The following SLC25A48 variants were observed in gnomAD, a reference collection of about 807,000 sequenced individuals.
SLC25A48 encodes CTC-321K16.1.
In SLC25A48, 29 loss-of-function variants were observed where a neutral mutation model predicts 32.2. The observed-to-expected ratio is 0.90, with a 90% confidence interval of 0.67 to 1.23. The LOEUF (loss-of-function observed/expected upper bound fraction) is 1.23. Among genes scored for constraint, SLC25A48 ranks in the 50% most tolerant of loss-of-function variants. SLC25A48 has a pLI of 0.00. For synonymous variants in SLC25A48, 164 were observed against 172.3 expected, an observed-to-expected ratio of 0.95 and a Z score of 0.38; for missense variants, 399 against 422.7, an observed-to-expected ratio of 0.94 and a Z score of 0.49.
intron 4 of SLC25A48, among the ~76,000 whole-genome samples, chr5:135,865,821 C>T (rs1300922750): frequency 2.6e-5 from 4 of 152,142 alleles, no homozygotes; most frequent in East Asian, 1.9e-4. Context: ...TCCAACCCAT[C>T]GAACAGCAGC....
At chr5:135,608,577 C>G (rs31281) in intron 1 of SLC25A48, among the ~76,000 whole-genome samples, 16 of 152,362 alleles carry the variant, frequency 1.1e-4, no homozygotes, top group South Asian at 8.3e-4. Context: ...GTCTTCTCCC[C>G]CTTCCAGCCA....
intron 3 of SLC25A48, among the ~76,000 whole-genome samples, chr5:135,640,940 A>T (rs554111492): frequency 1.3e-5 from 2 of 152,236 alleles, no homozygotes; most frequent in African/African-American, 4.8e-5. Flanking sequence ...CAGGAATAAG[A>T]CAAGGATGTC....
At chr5:135,750,889 T>C (rs890712721) in intron 3 of SLC25A48, among the ~76,000 whole-genome samples, 1 of 136,724 alleles carries the variant, frequency 7.3e-6, no homozygotes, top group Non-Finnish European at 1.6e-5. Context: ...CTTTTGCCTG[T>C]TTCACTCTCT....
intron 3 of SLC25A48, among the ~76,000 whole-genome samples, chr5:135,646,076 A>G (rs1752951069): frequency 6.6e-6 from 1 of 152,206 alleles, no homozygotes; most frequent in African/African-American, 2.4e-5. Context: ...TTGAAAAAAA[A>G]TCTTATAAAT....
At chr5:135,869,492 A>T (rs184988271) in intron 4 of SLC25A48, among the ~76,000 whole-genome samples, 1 of 152,286 alleles carries the variant, frequency 6.6e-6, no homozygotes, top group East Asian at 1.9e-4. Context: ...TGTACTTTCA[A>T]ACAAGCAGAA....
chr5:135,613,221 T>C (rs1018143293), intron 1 of SLC25A48, among the ~76,000 whole-genome samples: 1 of 152,206 alleles, frequency 6.6e-6, no homozygotes, highest in Non-Finnish European at 1.5e-5. Flanking sequence ...TGTATTTTTT[T>C]GAGAAACGTC....
intron 3 of SLC25A48, among the ~76,000 whole-genome samples, chr5:135,783,557 AC>A (rs1756770573): frequency 8.5e-6 from 1 of 117,830 alleles, no homozygotes; most frequent in Non-Finnish European, 2.1e-5. Context: ...GGGGGTGTAC[AC>A]CCCCTGTGTG....
chr5:135,620,848 C>T (rs1752309810), intron 1 of SLC25A48, among the ~76,000 whole-genome samples: 1 of 152,268 alleles, frequency 6.6e-6, no homozygotes, highest in South Asian at 2.1e-4. Context: ...TTGAGGGGCT[C>T]TCCCATGGCT....
At chr5:135,775,448 C>A (rs1163920258) in intron 3 of SLC25A48, among the ~76,000 whole-genome samples, 3 of 151,112 alleles carry the variant, frequency 2.0e-5, no homozygotes, top group Admixed American at 6.6e-5. Context: ...AATATGACTC[C>A]CTATATTGAA....
chr5:135,706,289 C>T lies in SLC25A48; in HGVS notation c.-521+71333C>T, dbSNP rs1754505926. ...GTTACAAAAGTGATTTACACCTTCT[C>T]TGCCCTTGAGTTGGGTGTAGGAGGT... On this transcript the variant is annotated intron_variant, in intron 3 of 10. Coordinates refer to the SLC25A48 transcript ENST00000646290. Among the ~76,000 whole-genome samples the T allele has an allele frequency of 3.3e-5, 5 of 152,324 alleles. No individual in the cohort carries two copies. The South Asian group carries it at 1.0e-3, about 32-fold the overall frequency.
At chr5:135,585,081 G>T (rs1262846721) in intron 1 of SLC25A48, among the ~76,000 whole-genome samples, 1 of 152,250 alleles carries the variant, frequency 6.6e-6, no homozygotes, top group African/African-American at 2.4e-5. Flanking sequence ...TGGCACTGCA[G>T]AGAGGCAGGT....
chr5:135,772,410 G>A (rs1267139087), intron 3 of SLC25A48, among the ~76,000 whole-genome samples: 1 of 151,578 alleles, frequency 6.6e-6, no homozygotes, highest in African/African-American at 2.4e-5. Context: ...TTTCCAGAGG[G>A]GAAGAGGATG....
intron 1 of SLC25A48, among the ~76,000 whole-genome samples, chr5:135,625,320 G>A (rs550683768): frequency 6.6e-6 from 1 of 152,178 alleles, no homozygotes; most frequent in Admixed American, 6.5e-5. Flanking sequence ...AAGATGGAGG[G>A]GCCCTGAGAA....
At chr5:135,887,940 G>A in intron 7 of SLC25A48, 92 bp from the exon 8 acceptor site, 2 of 1,177,930 alleles carry the variant, frequency 1.7e-6, no homozygotes, top group South Asian at 1.3e-5. Flanking sequence ...CAAAACATAG[G>A]GGTTAGAGGA....
intron 6 of SLC25A48, among the ~76,000 whole-genome samples, chr5:135,879,601 A>AGT (rs1289206321): frequency 5.5e-4 from 74 of 134,040 alleles, no homozygotes; most frequent in South Asian, 1.4e-3. Flanking sequence ...AGAGAGAGAG[A>AGT]GAGAGAGAGA....
At chr5:135,712,873 G>A (rs1043531886) in intron 3 of SLC25A48, among the ~76,000 whole-genome samples, 1 of 152,130 alleles carries the variant, frequency 6.6e-6, no homozygotes, top group African/African-American at 2.4e-5. Context: ...GTCTCACTCT[G>A]CAAAGCAACT....
chr5:135,887,607 C>G (rs149663894), intron 7 of SLC25A48, among the ~76,000 whole-genome samples: 4 of 152,296 alleles, frequency 2.6e-5, no homozygotes, highest in Non-Finnish European at 4.4e-5. Flanking sequence ...TGGGAGTGCA[C>G]GATCTTGGCC....
intron 3 of SLC25A48, among the ~76,000 whole-genome samples, chr5:135,656,031 G>A (rs558429120): frequency 1.3e-5 from 2 of 152,160 alleles, no homozygotes; most frequent in Admixed American, 6.5e-5. Flanking sequence ...TATCCTGAGG[G>A]CTGGTCCTTG....
rs373426173 is a variant in SLC25A48, at chr5:135,779,509, G to T, written c.-520-33014G>T. Reference sequence around the variant, plus strand: ...AGAGGATGATATTACTCCCAATATTGCAGGGGGTGTACATGCCCCCCTGTG... The same window carrying T: ...AGAGGATGATATTACTCCCAATATTTCAGGGGGTGTACATGCCCCCCTGTG... On this transcript the variant is annotated intron_variant, in intron 3 of 10. Coordinates refer to the SLC25A48 transcript ENST00000646290. Among the ~76,000 whole-genome samples, 32 of 61,018 alleles carry T rather than the reference G, an allele frequency of 5.2e-4. 4 individuals carry two copies. The highest frequency in any genetic ancestry group is 1.0e-3 in the African/African-American group (30 of 28,814). 40.0% of individuals were successfully genotyped at this position (61,018 alleles called of 152,430 possible).
Sources: gnomAD v4.1 joint callset for allele counts (sites outside exome capture counted in the v4.1 genomes callset) on GRCh38, gnomAD v4.1.1 for gene constraint, MANE v1.5 for transcripts, NCBI Gene and HGNC (gene_info 2026-07-23, HGNC 2026-07-21) for gene names.